Variants in ADAM10 observed in about 807,000 individuals in gnomAD.
ADAM10 encodes ADAM metallopeptidase domain 10, also known as disintegrin and metalloproteinase domain-containing protein 10.
A neutral mutation model predicts 90.1 loss-of-function variants in ADAM10; 17 were observed. The observed-to-expected ratio is 0.19, with a 90% CI of 0.13 to 0.28. The LOEUF (loss-of-function observed/expected upper bound fraction) is 0.28, where lower values mean the gene tolerates loss of function less well. Ranked by LOEUF, ADAM10 falls within the 10% of genes least tolerant of loss-of-function variation. The pLI is 1.00. For missense variants in ADAM10, 610 were observed against 914.3 expected, an observed-to-expected ratio of 0.67 and a Z score of 4.29; for synonymous variants, 310 against 298.6, an observed-to-expected ratio of 1.04 and a Z score of -0.40.
chr15:58,687,619 C>A, intron 2 of ADAM10, among the ~76,000 whole-genome samples: 2 of 148,290 alleles, frequency 1.3e-5, no homozygotes. Flanking sequence ...AGCTGATCCA[C>A]AAGTTACTCA....
At chr15:58,635,656 C>G (rs1435904635) in intron 8 of ADAM10, among the ~76,000 whole-genome samples, 2 of 152,004 alleles carry the variant, frequency 1.3e-5, no homozygotes, top group Non-Finnish European at 2.9e-5. Flanking sequence ...TTATTGTACA[C>G]ACAGCATAGT....
chr15:58,658,329 ACTCT>A (rs1270231782), intron 5 of ADAM10, among the ~76,000 whole-genome samples: 3 of 151,760 alleles, frequency 2.0e-5, no homozygotes, highest in Non-Finnish European at 2.9e-5. Context: ...GACCATGTGG[ACTCT>A]CTATGTTGCT....
intron 5 of ADAM10, among the ~76,000 whole-genome samples, chr15:58,655,710 A>ATT (rs1566982335): frequency 4.5e-5 from 2 of 44,196 alleles, no homozygotes; most frequent in Non-Finnish European, 9.3e-5. Context: ...ATATATATAT[A>ATT]GTATATATAT....
chr15:58,603,876 T>TATA (rs1229663743), intron 14 of ADAM10, among the ~76,000 whole-genome samples: 32 of 72,068 alleles, frequency 4.4e-4, no homozygotes, highest in African/African-American at 1.6e-3. Flanking sequence ...GGTCCAGGGT[T>TATA]AAAAAAAAAA....
At chr15:58,598,843 T>TA (rs1215677830) in intron 15 of ADAM10, among the ~76,000 whole-genome samples, 8 of 152,032 alleles carry the variant, frequency 5.3e-5, no homozygotes, top group African/African-American at 1.9e-4. Context: ...CCCTGAGAGG[T>TA]AAAAGGTGGA....
Position 58,731,416 on chromosome 15 carries a change from A to T in ADAM10, c.56-13689T>A, listed in dbSNP as rs568033022. Among the ~76,000 whole-genome samples, 13 of 152,116 alleles carry T rather than the reference A, an allele frequency of 8.5e-5. 1 individual carries two copies. In the South Asian group the frequency reaches 2.7e-3, roughly 32 times the overall value. Reference sequence around the variant, plus strand: ...GGCAGATCGCTTAAACCCAGGAATTAGAGACCAGCCTGGGCAACATAGCAA... The same window carrying T: ...GGCAGATCGCTTAAACCCAGGAATTTGAGACCAGCCTGGGCAACATAGCAA... On this transcript the variant is annotated intron_variant, in intron 1 of 15. Coordinates refer to ENST00000260408, the MANE Select transcript of ADAM10 (RefSeq NM_001110.4).
At chr15:58,659,883 C>T (rs1896927190) in intron 5 of ADAM10, among the ~76,000 whole-genome samples, 1 of 152,176 alleles carries the variant, frequency 6.6e-6, no homozygotes, top group Non-Finnish European at 1.5e-5. Context: ...CGTCCGCCAC[C>T]ACACCCAGCT....
At chr15:58,697,722 A>G (rs1025798488) in intron 2 of ADAM10, among the ~76,000 whole-genome samples, 1 of 152,090 alleles carries the variant, frequency 6.6e-6, no homozygotes, top group Admixed American at 6.5e-5. Flanking sequence ...CACTGCCCCT[A>G]CCAACACCCA....
rs1377858348 is a variant in ADAM10 at position 58,592,539 on chromosome 15, C to A, written c.*5008G>T. 6.6e-6 allele frequency: 1 copy of A among 152,106 alleles called. No homozygotes were observed. The highest frequency in any genetic ancestry group is 1.5e-5 in the Non-Finnish European group (1 of 68,000). The allele number at this position is 152,106 out of a possible 1,614,324, so 9.4% of individuals were successfully genotyped here. On this transcript the variant is annotated 3_prime_UTR_variant, in exon 16 of 16. Coordinates refer to ENST00000260408, the MANE Select transcript of ADAM10 (RefSeq NM_001110.4). ...CTAGGTTCTTCTTGTACATTTCTTTCTTACAGGTGGAATTAGTGATTTATC... is the reference window on the plus strand; with the variant it reads ...CTAGGTTCTTCTTGTACATTTCTTTATTACAGGTGGAATTAGTGATTTATC...
At chr15:58,686,693 A>G (rs1413900453) in intron 2 of ADAM10, 1 of 672,922 alleles carries the variant, frequency 1.5e-6, no homozygotes, top group Non-Finnish European at 2.7e-6. Flanking sequence ...AGTCTCAAGA[A>G]AACACTTTTC....
intron 4 of ADAM10, among the ~76,000 whole-genome samples, chr15:58,673,388 C>CAAAA (rs35784381): frequency 5.0e-5 from 4 of 79,264 alleles, no homozygotes; most frequent in African/African-American, 1.5e-4. Flanking sequence ...CTGTAATTGC[C>CAAAA]AAAAAAAAAA....
chr15:58,666,897 G>C (rs761640549), intron 4 of ADAM10, among the ~76,000 whole-genome samples: 8 of 152,060 alleles, frequency 5.3e-5, no homozygotes, highest in Non-Finnish European at 8.8e-5. Context: ...TCTCCCAATA[G>C]AAAGGGTCAA....
chr15:58,621,332 T>C, intron 11 of ADAM10, 139 bp downstream of exon 11: 3 of 938,082 alleles, frequency 3.2e-6, no homozygotes, highest in East Asian at 2.7e-5. Flanking sequence ...CCAACACTAC[T>C]TCAGAAAAAG....
chr15:58,683,745 A>T (rs1897507935), intron 2 of ADAM10, among the ~76,000 whole-genome samples: 1 of 151,472 alleles, frequency 6.6e-6, no homozygotes, highest in Non-Finnish European at 1.5e-5. Context: ...CTCTAGTCCC[A>T]GCTACTGGGG....
intron 1 of ADAM10, 44 bp downstream of exon 1, chr15:58,749,436 C>G (rs1461247590): frequency 6.6e-7 from 1 of 1,515,012 alleles, no homozygotes; most frequent in Non-Finnish European, 8.9e-7. Context: ...GGCCGCCGCT[C>G]CGCCGTGGTC....
At chr15:58,686,735 T>A (rs1475196912) in intron 2 of ADAM10, 10 of 614,984 alleles carry the variant, frequency 1.6e-5, no homozygotes, top group Non-Finnish European at 2.6e-5. Flanking sequence ...AGCCCTTTCC[T>A]GTGGCCCCGT....
At chr15:58,731,635 TA>T (rs1296769502) in intron 1 of ADAM10, among the ~76,000 whole-genome samples, 1 of 151,632 alleles carries the variant, frequency 6.6e-6, no homozygotes, top group African/African-American at 2.4e-5. Flanking sequence ...CTCAAAAAAA[TA>T]AAAAAATTAA....
intron 5 of ADAM10, among the ~76,000 whole-genome samples, chr15:58,648,137 G>T (rs1896600944): frequency 1.3e-5 from 2 of 152,124 alleles, no homozygotes; most frequent in Admixed American, 1.3e-4. Flanking sequence ...TAACCATTTT[G>T]ACTATCTATA....
intron 5 of ADAM10, among the ~76,000 whole-genome samples, chr15:58,663,364 CAA>C (rs1399301855): frequency 6.6e-6 from 1 of 152,188 alleles, no homozygotes; most frequent in Non-Finnish European, 1.5e-5. Context: ...TACCACATAA[CAA>C]AGTTTCATAT....
Sources: gnomAD v4.1 joint callset for allele counts (sites outside exome capture counted in the v4.1 genomes callset) on GRCh38, gnomAD v4.1.1 for gene constraint, MANE v1.5 for transcripts, NCBI Gene and HGNC (gene_info 2026-07-23, HGNC 2026-07-21) for gene names.